AGBL1: variants seen among roughly 807,000 people sequenced by gnomAD.
AGBL1 encodes the protein cytosolic carboxypeptidase 4.
AGBL1 carries 130 observed loss-of-function variants against 118.9 expected under a neutral mutation model. The observed-to-expected ratio is 1.09, with a 90% CI of 0.95 to 1.26. AGBL1 has a LOEUF of 1.26. AGBL1 is among the 50% of genes most tolerant of loss of function. AGBL1 has a pLI of 0.00. For missense variants in AGBL1, 1,584 were observed against 1,298.1 expected, an observed-to-expected ratio of 1.22 and a Z score of -3.38; for synonymous variants, 555 against 478.9, an observed-to-expected ratio of 1.16 and a Z score of -2.08.
chr15:86,468,806 G>T (rs540317876), intron 18 of AGBL1, among the ~76,000 whole-genome samples: 3 of 152,212 alleles, frequency 2.0e-5, no homozygotes, highest in African/African-American at 7.2e-5. Flanking sequence ...ACATGAGAGG[G>T]GATGTAAAGA....
At chr15:86,895,693 A>G (rs975747129) in intron 22 of AGBL1, among the ~76,000 whole-genome samples, 25 of 151,966 alleles carry the variant, frequency 1.6e-4, no homozygotes, top group African/African-American at 5.8e-4. Context: ...GAATAATTTT[A>G]TATTTATAGA....
chr15:86,442,231 C>G (rs1239408299), intron 18 of AGBL1, among the ~76,000 whole-genome samples: 1 of 152,204 alleles, frequency 6.6e-6, no homozygotes, highest in Non-Finnish European at 1.5e-5. Flanking sequence ...GGCTTTGAAT[C>G]TGAGGAGCAG....
intron 21 of AGBL1, among the ~76,000 whole-genome samples, chr15:86,633,933 A>G (rs2085033425): frequency 6.7e-6 from 1 of 149,960 alleles, no homozygotes; most frequent in Non-Finnish European, 1.5e-5. Context: ...TCCACCACAC[A>G]TAAAGTGAGG....
intron 23 of AGBL1, among the ~76,000 whole-genome samples, chr15:86,975,255 G>T (rs967378367): frequency 2.6e-5 from 4 of 152,060 alleles, no homozygotes; most frequent in Non-Finnish European, 2.9e-5. Flanking sequence ...CATGGCTGGG[G>T]AGGTGTCACA....
chr15:86,727,146 C>T (rs1198390995), intron 22 of AGBL1, among the ~76,000 whole-genome samples: 1 of 152,060 alleles, frequency 6.6e-6, no homozygotes, highest in Non-Finnish European at 1.5e-5. Flanking sequence ...GGCAAAGGTG[C>T]AAAACCTGTG....
chr15:86,317,619 T>G (rs1476989827), intron 17 of AGBL1, among the ~76,000 whole-genome samples: 1 of 152,186 alleles, frequency 6.6e-6, no homozygotes, highest in East Asian at 1.9e-4. Context: ...AGACTAGCTT[T>G]GGGAGGAGGA....
At chr15:86,115,402 T>C (rs1230658821) in intron 1 of AGBL1, among the ~76,000 whole-genome samples, 1 of 152,234 alleles carries the variant, frequency 6.6e-6, no homozygotes, top group Non-Finnish European at 1.5e-5. Flanking sequence ...TATTGGCTAT[T>C]TCTTTCTTTC....
At chr15:86,898,109 T>C (rs1277466246) in intron 22 of AGBL1, among the ~76,000 whole-genome samples, 1 of 152,098 alleles carries the variant, frequency 6.6e-6, no homozygotes. Context: ...ATTAAATGAA[T>C]GAAGAAAGAT....
chr15:86,600,294 A>C (rs1185157179), intron 21 of AGBL1, among the ~76,000 whole-genome samples: 1 of 152,160 alleles, frequency 6.6e-6, no homozygotes, highest in Non-Finnish European at 1.5e-5. Context: ...ATTTCTTTCA[A>C]ATATTAGACT....
At chr15:86,551,591 C>T (rs182979350) in intron 20 of AGBL1, among the ~76,000 whole-genome samples, 32 of 152,222 alleles carry the variant, frequency 2.1e-4, no homozygotes, top group Admixed American at 1.8e-3. Flanking sequence ...GAAGTCTAGG[C>T]CCAAATGGCT....
intron 5 of AGBL1, among the ~76,000 whole-genome samples, chr15:86,170,847 A>G (rs1222686920): frequency 6.7e-6 from 1 of 150,134 alleles, no homozygotes; most frequent in Admixed American, 6.6e-5. Context: ...CTCTGTCTCC[A>G]CAAAAACAAA....
At chr15:86,546,368 T>A (rs1391516427) in intron 20 of AGBL1, among the ~76,000 whole-genome samples, 4 of 152,106 alleles carry the variant, frequency 2.6e-5, no homozygotes, top group Non-Finnish European at 5.9e-5. Context: ...TTCTATGTGG[T>A]TTGATATTGT....
chr15:86,989,732 G>T (rs1270336390), intron 24 of AGBL1, among the ~76,000 whole-genome samples: 1 of 152,152 alleles, frequency 6.6e-6, no homozygotes, highest in African/African-American at 2.4e-5. Context: ...ACAAGATAGA[G>T]ATTGGTAGGT....
intron 22 of AGBL1, among the ~76,000 whole-genome samples, chr15:86,714,528 A>G (rs1413565347): frequency 6.6e-6 from 1 of 152,194 alleles, no homozygotes; most frequent in Non-Finnish European, 1.5e-5. Context: ...GGTATGAGAC[A>G]TCATGGAGTG....
intron 5 of AGBL1, among the ~76,000 whole-genome samples, chr15:86,189,291 A>T (rs1364907767): frequency 6.6e-6 from 1 of 152,226 alleles, no homozygotes; most frequent in Non-Finnish European, 1.5e-5. Flanking sequence ...GACAGGCCCA[A>T]GCTGGTCTGT....
chr15:86,725,290 G>A (rs370515636), intron 22 of AGBL1, among the ~76,000 whole-genome samples: 1 of 152,166 alleles, frequency 6.6e-6, no homozygotes, highest in African/African-American at 2.4e-5. Context: ...TGAAACTAAT[G>A]CACAGAGACA....
intron 16 of AGBL1, among the ~76,000 whole-genome samples, chr15:86,292,283 G>A (rs2079560388): frequency 6.6e-6 from 1 of 152,120 alleles, no homozygotes; most frequent in South Asian, 2.1e-4. Context: ...GGGACTGAAT[G>A]GATGCAGAAG....
intron 3 of AGBL1, among the ~76,000 whole-genome samples, chr15:86,152,299 T>C (rs2077124044): frequency 6.6e-6 from 1 of 152,176 alleles, no homozygotes; most frequent in South Asian, 2.1e-4. Flanking sequence ...CAAAACAGCA[T>C]GGTACTGGTA....
intron 18 of AGBL1, among the ~76,000 whole-genome samples, chr15:86,453,154 T>C (rs2082216613): frequency 6.6e-6 from 1 of 152,214 alleles, no homozygotes; most frequent in Admixed American, 6.5e-5. Context: ...GCTTCTAGAA[T>C]ATGCCTAGTA....
Sources: gnomAD v4.1 joint callset for allele counts (sites outside exome capture counted in the v4.1 genomes callset) on GRCh38, gnomAD v4.1.1 for gene constraint, MANE v1.5 for transcripts, NCBI Gene and HGNC (gene_info 2026-07-23, HGNC 2026-07-21) for gene names.